Variants in CEP128 observed in about 807,000 individuals in gnomAD.
CEP128 encodes the protein centrosomal protein 128.
CEP128 carries 132 observed loss-of-function variants against 156.7 expected under a neutral mutation model. That is an observed-to-expected ratio of 0.84 (90% CI 0.73 to 0.97). The LOEUF (loss-of-function observed/expected upper bound fraction) is 0.97. Among genes scored for constraint, CEP128 ranks in the 50% least tolerant of loss-of-function variants. The pLI, the probability that CEP128 is intolerant of heterozygous loss-of-function variation, is 0.00. For missense variants in CEP128, 1,252 were observed against 1,281.9 expected, an observed-to-expected ratio of 0.98 and a Z score of 0.36; for synonymous variants, 469 against 448.9, an observed-to-expected ratio of 1.04 and a Z score of -0.57.
At chr14:80,595,865 G>C (rs1465358087) in intron 19 of CEP128, among the ~76,000 whole-genome samples, 2 of 151,980 alleles carry the variant, frequency 1.3e-5, no homozygotes, top group Non-Finnish European at 2.9e-5. Context: ...GTTTGTGTAG[G>C]GGAACTCCCC....
chr14:80,478,316 A>T (rs1328320410), exon 15 of CEP128: 2 of 152,056 alleles, frequency 1.3e-5, no homozygotes, highest in Non-Finnish European at 2.9e-5. Context: ...AACCTGATGC[A>T]CCATCATGGC....
chr14:80,485,791 T>C (rs769193650), downstream of CEP128, among the ~76,000 whole-genome samples: 12 of 152,216 alleles, frequency 7.9e-5, no homozygotes, highest in South Asian at 6.2e-4. Context: ...AACGTAGGAA[T>C]TGAAGTATGT....
intron 15 of CEP128, among the ~76,000 whole-genome samples, chr14:80,779,448 G>A (rs1900981712): frequency 1.3e-5 from 2 of 152,108 alleles, no homozygotes; most frequent in Admixed American, 1.3e-4. Flanking sequence ...TCTCTCATCA[G>A]GAAAATTGTT....
chr14:80,525,135 C>G (rs1328786699), intron 23 of CEP128, among the ~76,000 whole-genome samples: 1 of 152,224 alleles, frequency 6.6e-6, no homozygotes, highest in Non-Finnish European at 1.5e-5. Context: ...ATCTAGACCT[C>G]TGTTGAACTA....
chr14:80,906,823 G>GA (rs1040649570), intron 4 of CEP128, among the ~76,000 whole-genome samples: 4 of 151,948 alleles, frequency 2.6e-5, no homozygotes, highest in African/African-American at 7.2e-5. Context: ...AGACCCAAGG[G>GA]AAAAAAAATT....
rs541725954 is a variant in CEP128 at position 80,533,585 on chromosome 14, G to A, written c.2881-2699C>T. 5.9e-5 allele frequency among the ~76,000 whole-genome samples: 9 copies of A among 152,126 alleles called. No homozygotes were observed. In the East Asian group the frequency reaches 1.7e-3, roughly 29 times the overall value. On this transcript the variant is annotated intron_variant, in intron 21 of 24. Transcript: ENST00000555265. ...ATGGTTTTGGATGTATATTCAAACG[G>A]CTATGTTTTTGTGAGTGAATTTTGA...
intron 8 of CEP128, among the ~76,000 whole-genome samples, chr14:80,891,129 T>C (rs1017008535): frequency 2.6e-5 from 4 of 152,096 alleles, no homozygotes; most frequent in African/African-American, 9.7e-5. Flanking sequence ...TAAGCACTAT[T>C]TTGAGAACAG....
chr14:80,607,167 A>C (rs1236085956), intron 19 of CEP128, among the ~76,000 whole-genome samples: 1 of 152,030 alleles, frequency 6.6e-6, no homozygotes, highest in Non-Finnish European at 1.5e-5. Context: ...TGTTATGTAC[A>C]TATTTACGTA....
At position 80,526,314 on chromosome 14, in the gene CEP128, C is replaced by T. The variant is rs553070117; in HGVS notation, c.3072+555G>A. 3.3e-5 allele frequency among the ~76,000 whole-genome samples: 5 copies of T among 152,270 alleles called. No individual in the cohort carries two copies. In the South Asian group the frequency reaches 6.2e-4, roughly 19 times the overall value. ...AAGGTCAAATGGATTTAAAATCACC[C>T]AGATCCCAGATGGATACTGGGTAGG... On this transcript the variant is annotated intron_variant, in intron 23 of 24. Coordinates refer to ENST00000555265, the MANE Select transcript of CEP128 (RefSeq NM_152446.5).
intron 19 of CEP128, chr14:80,742,745 A>T: frequency 3.9e-6 from 1 of 255,412 alleles, no homozygotes; most frequent in South Asian, 5.3e-5. Flanking sequence ...AAATGGGCAC[A>T]AAATATGTAT....
downstream of CEP128, among the ~76,000 whole-genome samples, chr14:80,493,674 G>A (rs1887399230): frequency 6.6e-6 from 1 of 152,180 alleles, no homozygotes; most frequent in African/African-American, 2.4e-5. Context: ...GAAATGCAGG[G>A]GCTACAAACC....
intron 19 of CEP128, among the ~76,000 whole-genome samples, chr14:80,739,869 C>T (rs1271074769): frequency 6.6e-6 from 1 of 152,122 alleles, no homozygotes. Flanking sequence ...AATACTGTTA[C>T]CTAATTCCAG....
intron 2 of CEP128, chr14:80,955,647 G>A (rs759683025): frequency 3.7e-6 from 6 of 1,612,766 alleles, no homozygotes; most frequent in Non-Finnish European, 5.1e-6. Flanking sequence ...GGCGATTTCG[G>A]AGGATGGAGA....
intron 19 of CEP128, among the ~76,000 whole-genome samples, chr14:80,590,839 TG>T (rs1249052226): frequency 3.9e-5 from 6 of 152,116 alleles, no homozygotes; most frequent in African/African-American, 1.4e-4. Flanking sequence ...CAGAAGAAAG[TG>T]GGGGCCAATA....
chr14:80,748,161 G>A (rs1170686913), intron 18 of CEP128, among the ~76,000 whole-genome samples: 1 of 152,092 alleles, frequency 6.6e-6, no homozygotes, highest in African/African-American at 2.4e-5. Context: ...GGATGTCACT[G>A]GCTAAATGTA....
intron 19 of CEP128, among the ~76,000 whole-genome samples, chr14:80,709,573 A>G (rs1484630415): frequency 2.0e-5 from 3 of 152,176 alleles, no homozygotes; most frequent in Admixed American, 2.0e-4. Context: ...TACATTTAAT[A>G]CAAAAAAATC....
At chr14:80,757,120 T>C (rs982419171) in intron 17 of CEP128, among the ~76,000 whole-genome samples, 169 bp from the exon 18 acceptor site, 7 of 152,250 alleles carry the variant, frequency 4.6e-5, no homozygotes, top group Non-Finnish European at 8.8e-5. Flanking sequence ...CATTCATTTA[T>C]ATGCCTTTTT....
chr14:80,914,527 C>T, intron 3 of CEP128, 119 bp from the exon 4 acceptor site: 1 of 710,766 alleles, frequency 1.4e-6, no homozygotes, highest in Non-Finnish European at 2.5e-6. Context: ...TTTATCATGG[C>T]TGAGTTGAAT....
Position 80,632,082 on chromosome 14 carries a change from A to G in CEP128, c.2807-51659T>C, listed in dbSNP as rs149771134. ...TGATTAAAAAGGTGCTGCTTCTATA[A>G]TGTATAAAATTATATACCTGAAAAG... On this transcript the variant is annotated intron_variant, in intron 19 of 24. Transcript: ENST00000555265. 7.9e-5 allele frequency among the ~76,000 whole-genome samples: 12 copies of G among 152,218 alleles called. 1 individual carries two copies. Among genetic ancestry groups the G allele is most frequent in the African/African-American group, 2.9e-4 (12 of 41,558 alleles).
Sources: allele counts gnomAD v4.1 joint callset (sites outside exome capture counted in the v4.1 genomes callset), GRCh38; gene constraint gnomAD v4.1.1; transcripts MANE v1.5; gene names NCBI Gene and HGNC (gene_info 2026-07-23, HGNC 2026-07-21).